IFT74: variants seen among roughly 807,000 people sequenced by gnomAD.
IFT74 encodes intraflagellar transport protein 74 homolog.
In IFT74, 92 loss-of-function variants were observed where a neutral mutation model predicts 96.7. That is an observed-to-expected ratio of 0.95 (90% confidence interval 0.80 to 1.13). The LOEUF (loss-of-function observed/expected upper bound fraction) is 1.13. Ranked by LOEUF, IFT74 falls within the 50% of genes most tolerant of loss-of-function variation. The pLI is 0.00. For synonymous variants in IFT74, 223 were observed against 213.2 expected, an observed-to-expected ratio of 1.05 and a Z score of -0.40; for missense variants, 811 against 698.2, an observed-to-expected ratio of 1.16 and a Z score of -1.82.
intron 1 of IFT74, among the ~76,000 whole-genome samples, chr9:26,956,808 C>T (rs1459415686): frequency 6.6e-6 from 1 of 152,234 alleles, no homozygotes; most frequent in Non-Finnish European, 1.5e-5. Context: ...CAATACATTT[C>T]TGCCTCTTAC....
At chr9:26,962,252 G>A (rs569246259) in intron 2 of IFT74, among the ~76,000 whole-genome samples, 165 bp downstream of exon 2, 19 of 152,254 alleles carry the variant, frequency 1.2e-4, no homozygotes, top group African/African-American at 4.3e-4. Flanking sequence ...ATATATTGTG[G>A]TAGAAGTTGG....
intron 12 of IFT74, among the ~76,000 whole-genome samples, chr9:27,023,825 C>G (rs898599164): frequency 2.6e-5 from 4 of 152,190 alleles, no homozygotes; most frequent in Non-Finnish European, 5.9e-5. Context: ...CAGCCCCATA[C>G]AAGAGGAGTC....
chr9:27,047,495 C>G, intron 15 of IFT74, 124 bp downstream of exon 15: 1 of 559,958 alleles, frequency 1.8e-6, no homozygotes, highest in Non-Finnish European at 3.1e-6. Context: ...CCTTTCAATT[C>G]CCTTACTTGT....
chr9:27,016,834 T>G, intron 10 of IFT74, 73 bp from the exon 11 acceptor site: 1 of 1,240,898 alleles, frequency 8.1e-7, no homozygotes, highest in Non-Finnish European at 1.1e-6. Context: ...CCCATTCTTA[T>G]AAACTGAAAC....
chr9:26,996,587 T>C, intron 8 of IFT74: 1 of 956,368 alleles, frequency 1.0e-6, no homozygotes, highest in East Asian at 3.1e-5. Context: ...ATTTTTGACA[T>C]ATTTGTCATT....
intron 1 of IFT74, among the ~76,000 whole-genome samples, chr9:26,958,795 A>G (rs763761875): frequency 3.9e-5 from 6 of 152,202 alleles, no homozygotes; most frequent in Non-Finnish European, 7.3e-5. Context: ...ATTAATTGTT[A>G]AAACCCTGAG....
intron 8 of IFT74, chr9:26,996,592 G>T (rs886454223): frequency 2.2e-6 from 2 of 924,574 alleles, no homozygotes; most frequent in Non-Finnish European, 2.9e-6. Flanking sequence ...TGACATATTT[G>T]TCATTCTTAA....
chr9:27,053,161 CTTTTTTTTT>C (rs58085385), intron 16 of IFT74, among the ~76,000 whole-genome samples: 1 of 50,590 alleles, frequency 2.0e-5, no homozygotes, highest in African/African-American at 9.7e-5. Flanking sequence ...CGCGCCTGGC[CTTTTTTTTT>C]TTTTTTTTTT....
intron 1 of IFT74, among the ~76,000 whole-genome samples, chr9:26,947,984 C>T (rs929930667): frequency 6.6e-6 from 1 of 152,122 alleles, no homozygotes; most frequent in Non-Finnish European, 1.5e-5. Context: ...GACCTGTCTC[C>T]TTACTTTGTT....
At chr9:26,949,696 C>G (rs564567515) in intron 1 of IFT74, among the ~76,000 whole-genome samples, 1 of 152,210 alleles carries the variant, frequency 6.6e-6, no homozygotes, top group East Asian at 1.9e-4. Context: ...TCAAATCCAC[C>G]TCCAAGAATG....
At chr9:26,965,935 CA>C (rs938724303) in intron 2 of IFT74, among the ~76,000 whole-genome samples, 9 of 152,024 alleles carry the variant, frequency 5.9e-5, no homozygotes, top group African/African-American at 2.2e-4. Flanking sequence ...CCTCTGGTTC[CA>C]ACCATATTGC....
intron 16 of IFT74, among the ~76,000 whole-genome samples, chr9:27,051,511 G>A (rs557339604): frequency 6.6e-6 from 1 of 152,252 alleles, no homozygotes; most frequent in East Asian, 1.9e-4. Flanking sequence ...ACATTGTTGT[G>A]CCACGAATCT....
chr9:26,950,399 G>A (rs1347452624), intron 1 of IFT74, among the ~76,000 whole-genome samples: 2 of 151,886 alleles, frequency 1.3e-5, no homozygotes, highest in Non-Finnish European at 2.9e-5. Flanking sequence ...CAAAGTTCAA[G>A]CCTCTACCAT....
upstream of IFT74, among the ~76,000 whole-genome samples, chr9:26,952,575 C>A (rs928376604): frequency 1.1e-4 from 17 of 152,122 alleles, no homozygotes; most frequent in African/African-American, 4.1e-4. Context: ...CTGTGCCTTG[C>A]CGAAAGTTTA....
intron 1 of IFT74, among the ~76,000 whole-genome samples, chr9:26,961,125 G>A (rs1471524471): frequency 7.0e-6 from 1 of 143,096 alleles, no homozygotes; most frequent in East Asian, 2.0e-4. Context: ...GAGTCTCGCT[G>A]TGTCGCCCAG....
At chr9:27,028,788 T>C in intron 12 of IFT74, 1 of 285,048 alleles carries the variant, frequency 3.5e-6, no homozygotes, top group East Asian at 7.1e-5. Context: ...GACAAGATTC[T>C]TCCTCTCTAA....
upstream of IFT74, among the ~76,000 whole-genome samples, chr9:26,953,694 A>AGGG (rs562636268): frequency 4.4e-3 from 661 of 149,156 alleles, 3 homozygotes; most frequent in African/African-American, 0.016. Flanking sequence ...CATTTTTTGT[A>AGGG]GGGGGGGGGT....
intron 16 of IFT74, among the ~76,000 whole-genome samples, chr9:27,050,464 A>G (rs577665631): frequency 2.0e-5 from 3 of 152,304 alleles, no homozygotes; most frequent in African/African-American, 7.2e-5. Flanking sequence ...TTGAGGTTAA[A>G]GAGACTAGGA....
chr9:26,965,872 G>A (rs866787633), intron 2 of IFT74, among the ~76,000 whole-genome samples: 22 of 152,072 alleles, frequency 1.4e-4, no homozygotes, highest in African/African-American at 3.9e-4. Context: ...TTATAAGTGA[G>A]AACATGCGGT....
Sources: gnomAD v4.1 joint callset for allele counts (sites outside exome capture counted in the v4.1 genomes callset) on GRCh38, gnomAD v4.1.1 for gene constraint, MANE v1.5 for transcripts, NCBI Gene and HGNC (gene_info 2026-07-23, HGNC 2026-07-21) for gene names.